The following GLB1 variants were observed in gnomAD, a reference collection of about 807,000 sequenced individuals.
GLB1 encodes the protein beta-galactosidase.
Under a neutral mutation model 74.0 loss-of-function variants are expected in GLB1, and 56 were observed. The ratio of observed to expected loss-of-function variants is 0.76; its 90% CI spans 0.61 to 0.94. The LOEUF is 0.94. GLB1 is among the 40% of genes least tolerant of loss of function. GLB1 has a pLI of 0.00. For missense variants in GLB1, 787 were observed against 845.5 expected, an observed-to-expected ratio of 0.93 and a Z score of 0.86; for synonymous variants, 323 against 323.6, an observed-to-expected ratio of 1.00 and a Z score of 0.02.
chr3:32,966,024 A>G, the GLB1 span, among the ~76,000 whole-genome samples: 1 of 152,206 alleles, frequency 6.6e-6, no homozygotes, highest in Non-Finnish European at 1.5e-5. Flanking sequence ...TGCAGTGGTG[A>G]GGCCCTCATG....
chr3:32,998,722 AACTGTGACCT>A (rs1696423516), intron 15 of GLB1, among the ~76,000 whole-genome samples: 1 of 152,116 alleles, frequency 6.6e-6, no homozygotes, highest in Non-Finnish European at 1.5e-5. Context: ...GCAGGAAAGA[AACTGTGACCT>A]ACAATGGCCC....
downstream of GLB1, among the ~76,000 whole-genome samples, chr3:32,992,928 C>G (rs1696248092): frequency 6.6e-6 from 1 of 152,202 alleles, no homozygotes; most frequent in African/African-American, 2.4e-5. Context: ...AGACCAAGAG[C>G]AGGGGCTAGG....
chr3:33,031,611 CAAAAAAAAAAAAA>C (rs1255172812), intron 10 of GLB1, among the ~76,000 whole-genome samples: 2 of 22,058 alleles, frequency 9.1e-5, no homozygotes, highest in African/African-American at 2.2e-4. Context: ...GGCTCTGTCT[CAAAAAAAAAAAAA>C]AAAAAAAAAA....
intron 12 of GLB1, among the ~76,000 whole-genome samples, chr3:33,019,132 C>T (rs1697364459): frequency 6.6e-6 from 1 of 150,576 alleles, no homozygotes; most frequent in South Asian, 2.2e-4. Context: ...ATAGCAAGAC[C>T]TCATCTCTAA....
chr3:33,093,903 G>T lies in GLB1; in HGVS notation c.75+3108C>A. 6.2e-7 allele frequency: 1 copy of T among 1,614,016 alleles called. No individual in the cohort carries two copies. Among genetic ancestry groups the T allele is most frequent in the East Asian group, 2.2e-5 (1 of 44,884 alleles). ...TAAAAAGAACATGGTAAAGAAACTGGAATGGGCCAGGGCCAGAAATGCCAG... is the reference window on the plus strand; with the variant it reads ...TAAAAAGAACATGGTAAAGAAACTGTAATGGGCCAGGGCCAGAAATGCCAG... On this transcript the variant is annotated intron_variant, in intron 1 of 15. Coordinates refer to ENST00000307363, the MANE Select transcript of GLB1 (RefSeq NM_000404.4). This position sits in a 1 kb window ranked among gnomAD's most constrained non-coding sequence, Gnocchi z 6.0.
At chr3:33,023,929 T>A (rs1295241273) in intron 11 of GLB1, among the ~76,000 whole-genome samples, 4 of 152,090 alleles carry the variant, frequency 2.6e-5, no homozygotes, top group African/African-American at 9.7e-5. Context: ...AACAATGAGG[T>A]GGCATGTTAT....
At chr3:32,994,646 C>T (rs1046345640), downstream of GLB1, among the ~76,000 whole-genome samples, 6 of 152,104 alleles carry the variant, frequency 3.9e-5, no homozygotes, top group African/African-American at 4.8e-5. Context: ...TCTGGCCAGG[C>T]GCAGTGGCTC....
intron 1 of GLB1, chr3:33,091,626 T>C: frequency 1.0e-6 from 1 of 984,420 alleles, no homozygotes; most frequent in Non-Finnish European, 1.2e-6. Flanking sequence ...GACAAAACAA[T>C]CTTGAGGTAG....
At chr3:33,031,127 A>G (rs1697985111) in intron 10 of GLB1, among the ~76,000 whole-genome samples, 1 of 152,198 alleles carries the variant, frequency 6.6e-6, no homozygotes, top group African/African-American at 2.4e-5. Context: ...TATCCCCAGG[A>G]GTCCATGTCA....
At chr3:33,090,212 T>C (rs1700689049) in intron 1 of GLB1, among the ~76,000 whole-genome samples, 1 of 152,228 alleles carries the variant, frequency 6.6e-6, no homozygotes, top group African/African-American at 2.4e-5. Flanking sequence ...GGATTCATAC[T>C]GAAGTAATTT....
chr3:32,984,644 C>T, the GLB1 span, among the ~76,000 whole-genome samples: 1 of 151,906 alleles, frequency 6.6e-6, no homozygotes, highest in Non-Finnish European at 1.5e-5. Context: ...CTTGGTGTTA[C>T]CAGGCACGGT....
chr3:33,089,847 T>C (rs947964236), intron 1 of GLB1, among the ~76,000 whole-genome samples: 3 of 152,168 alleles, frequency 2.0e-5, no homozygotes, highest in Admixed American at 1.3e-4. Flanking sequence ...ACAATGTGAA[T>C]ATACCTAACA....
chr3:33,014,342 G>T (rs761217705), intron 14 of GLB1, 32 bp from the exon 15 acceptor site: 2 of 1,609,826 alleles, frequency 1.2e-6, no homozygotes. Context: ...CAGTGAGCTG[G>T]GGAGGGAAGG....
chr3:33,018,614 G>A, intron 12 of GLB1, 53 bp from the exon 13 acceptor site: 1 of 1,585,800 alleles, frequency 6.3e-7, no homozygotes, highest in Non-Finnish European at 8.6e-7. Flanking sequence ...TTCATTTAGA[G>A]AACTTGGTTA....
intron 15 of GLB1, among the ~76,000 whole-genome samples, chr3:33,004,899 C>A (rs967944165): frequency 4.6e-5 from 7 of 152,090 alleles, no homozygotes; most frequent in African/African-American, 1.7e-4. Context: ...AAGAGCTGAG[C>A]TGGAAAAGGA....
the GLB1 span, among the ~76,000 whole-genome samples, chr3:32,988,350 G>A: frequency 3.3e-5 from 5 of 152,136 alleles, no homozygotes; most frequent in Admixed American, 3.3e-4. Context: ...GGAAGAGTTG[G>A]GACCAACGTG....
intron 1 of GLB1, chr3:33,092,245 C>T: frequency 2.0e-6 from 2 of 985,718 alleles, no homozygotes; most frequent in South Asian, 4.7e-5. Context: ...CTTTGCATTC[C>T]AGTAGATTTT....
At chr3:32,966,712 C>T in the GLB1 span, among the ~76,000 whole-genome samples, 6 of 152,110 alleles carry the variant, frequency 3.9e-5, no homozygotes, top group Admixed American at 2.6e-4. Context: ...ATTGTAGCTC[C>T]CATAATCCCC....
rs748007307 is a variant in GLB1, at chr3:33,016,718, G to A, written c.1470C>T (p.Asn490=). 13 of 1,613,718 alleles carry A rather than the reference G, an allele frequency of 8.1e-6. No homozygotes were observed. The Admixed American group carries it at 1.3e-4, about 17-fold the overall frequency. Reference sequence around the variant, plus strand: ...GTGTGGTTTGTCCTACCTTAAAATCGTTGATATATGCACCATAGTTCACAC... The same window carrying A: ...GTGTGGTTTGTCCTACCTTAAAATCATTGATATATGCACCATAGTTCACAC... The part of the protein sequence containing the change: ...MGRVNYGAYI[N]DFKGLVSNLT... Residue 490 remains asparagine, a synonymous_variant, in exon 14 of 16, where the codon AAC becomes AAT. Transcript: ENST00000307363.
Sources: allele counts gnomAD v4.1 joint callset (sites outside exome capture counted in the v4.1 genomes callset), GRCh38; gene constraint gnomAD v4.1.1; non-coding constraint Gnocchi (gnomAD v3.1); transcripts MANE v1.5; gene names NCBI Gene and HGNC (gene_info 2026-07-23, HGNC 2026-07-21).